LTBP1: variants seen among roughly 807,000 people sequenced by gnomAD.
LTBP1 encodes the protein latent-transforming growth factor beta-binding protein 1.
In LTBP1, 129 loss-of-function variants were observed where a neutral mutation model predicts 207.6. The observed-to-expected ratio is 0.62, with a 90% CI of 0.54 to 0.72. The LOEUF (loss-of-function observed/expected upper bound fraction) is 0.72. Ranked by LOEUF, LTBP1 falls within the 30% of genes least tolerant of loss-of-function variation. LTBP1 has a pLI of 0.00. For synonymous variants in LTBP1, 963 were observed against 833.7 expected, an observed-to-expected ratio of 1.16 and a Z score of -2.67; for missense variants, 2,281 against 2,217.2, an observed-to-expected ratio of 1.03 and a Z score of -0.58.
At chr2:33,051,280 G>A (rs1390975024) in intron 3 of LTBP1, among the ~76,000 whole-genome samples, 1 of 152,102 alleles carries the variant, frequency 6.6e-6, no homozygotes, top group Non-Finnish European at 1.5e-5. Flanking sequence ...GGCTGGGTGT[G>A]GTGGTGTGTG....
intron 2 of LTBP1, among the ~76,000 whole-genome samples, chr2:32,961,945 CA>C (rs34607490): frequency 0.022 from 2,208 of 98,352 alleles, 38 homozygotes; most frequent in African/African-American, 0.066. Context: ...AACTCCGTCT[CA>C]AAAAAAAAAA....
chr2:32,958,939 A>G, intron 2 of LTBP1, among the ~76,000 whole-genome samples: 1 of 152,216 alleles, frequency 6.6e-6, no homozygotes, highest in East Asian at 1.9e-4. Flanking sequence ...GTTCAACATC[A>G]TCATCTGATA....
At chr2:33,354,655 TATCA>T (rs1390578436) in intron 26 of LTBP1, among the ~76,000 whole-genome samples, 1 of 149,116 alleles carries the variant, frequency 6.7e-6, no homozygotes, top group Non-Finnish European at 1.5e-5. Flanking sequence ...TGAACTGACA[TATCA>T]ATCAAAGTGA....
chr2:33,134,703 T>C lies in LTBP1; in HGVS notation c.1034-90T>C. 1 of 1,607,492 alleles carries C rather than the reference T, an allele frequency of 6.2e-7. No homozygotes were observed. The highest frequency in any genetic ancestry group is 1.1e-5 in the South Asian group (1 of 89,490). On this transcript the variant is annotated intron_variant, in intron 4 of 33. Coordinates refer to ENST00000404816, the MANE Select transcript of LTBP1 (RefSeq NM_206943.4). The surrounding 1 kb of genome is among the most constrained non-coding windows in gnomAD (Gnocchi z 4.4). ...TCCCCTCTTGCTCCTTTCTTTTCTT[T>C]TTTTCTGTTTTTTTAAACCTTCCAA...
intron 3 of LTBP1, among the ~76,000 whole-genome samples, chr2:33,040,967 C>T (rs557117646): frequency 1.3e-5 from 2 of 152,306 alleles, no homozygotes; most frequent in South Asian, 4.2e-4. Context: ...TGGTACCTAC[C>T]AGCTGACTGT....
chr2:33,273,141 GTGGGAGGTCTT>G (rs1335943848), intron 15 of LTBP1, among the ~76,000 whole-genome samples: 5 of 152,284 alleles, frequency 3.3e-5, no homozygotes, highest in Admixed American at 3.3e-4. Context: ...TTGTTTAGAA[GTGGGAGGTCTT>G]TGGGGGGATT....
chr2:33,134,984 C>T lies in LTBP1; in HGVS notation c.1201+24C>T, dbSNP rs1339185724. On this transcript the variant is annotated intron_variant, in intron 5 of 33. Transcript: ENST00000404816. This position sits in a 1 kb window ranked among gnomAD's most constrained non-coding sequence, Gnocchi z 4.4. ...GGGTGAGTTCCTCCACGGTCCCTAA[C>T]TGTCCTTACTGAGTCGAGTTTTATG... The T allele has an allele frequency of 1.3e-6, 2 of 1,570,302 alleles. No homozygotes were observed. Among genetic ancestry groups the T allele is most frequent in the African/African-American group, 1.4e-5 (1 of 73,788 alleles).
chr2:33,342,245 G>C (rs2094636439), intron 24 of LTBP1, among the ~76,000 whole-genome samples: 1 of 152,238 alleles, frequency 6.6e-6, no homozygotes, highest in Non-Finnish European at 1.5e-5. Context: ...AGCTGGAGCA[G>C]CCTGGACGGT....
rs756916323 is a variant in LTBP1, at chr2:33,187,058, G to A, written c.1404G>A (p.Val468=). 6.2e-7 allele frequency: 1 copy of A among 1,614,138 alleles called. No homozygotes were observed. The highest frequency in any genetic ancestry group is 2.2e-5 in the East Asian group (1 of 44,884). Residue 468 remains valine (V), a synonymous_variant, in exon 6 of 34, where the codon GTG becomes GTA. Coordinates refer to ENST00000404816, the MANE Select transcript of LTBP1 (RefSeq NM_206943.4). The part of the protein sequence containing the change: ...IHSTHTLPLT[V]TSQQGVKVKF... ...CAACACATACCTTGCCTCTGACCGT[G>A]ACTAGCCAGCAAGGAGTCAAAGGTA...
intron 20 of LTBP1, among the ~76,000 whole-genome samples, 179 bp from the exon 21 acceptor site, chr2:33,300,272 A>T (rs1433608261): frequency 1.3e-5 from 2 of 152,200 alleles, no homozygotes; most frequent in Admixed American, 6.6e-5. Flanking sequence ...TATTCTATAG[A>T]TCAGTATACT....
At chr2:32,952,434 T>C (rs116593141) in intron 2 of LTBP1, among the ~76,000 whole-genome samples, 2,307 of 152,316 alleles carry the variant, frequency 0.015, 62 homozygotes, top group African/African-American at 0.05. Flanking sequence ...ATCGAAATTA[T>C]CGTGTGGGAT....
intron 2 of LTBP1, among the ~76,000 whole-genome samples, chr2:32,977,344 G>C (rs557582340): frequency 6.6e-5 from 10 of 152,240 alleles, no homozygotes; most frequent in Non-Finnish European, 1.2e-4. Context: ...TGCCGTCTGG[G>C]TGTTTCCCAG....
intron 5 of LTBP1, among the ~76,000 whole-genome samples, chr2:33,150,710 C>CTTTTTTTTT (rs1176008947): frequency 2.5e-4 from 17 of 69,298 alleles, no homozygotes; most frequent in African/African-American, 3.1e-4. Flanking sequence ...TTTTCTTTTT[C>CTTTTTTTTT]TTTTTTTTTT....
intron 2 of LTBP1, among the ~76,000 whole-genome samples, chr2:32,952,793 G>A (rs1255628577): frequency 6.6e-6 from 1 of 152,176 alleles, no homozygotes; most frequent in Non-Finnish European, 1.5e-5. Flanking sequence ...ACGGGAATAG[G>A]CAATACAAAA....
chr2:33,211,391 T>C (rs763341091), intron 7 of LTBP1, among the ~76,000 whole-genome samples: 22 of 152,220 alleles, frequency 1.4e-4, no homozygotes, highest in Admixed American at 3.9e-4. Context: ...GCAGGTCACA[T>C]CCTACAGCTG....
chr2:33,030,820 T>C (rs1392082433), intron 3 of LTBP1, among the ~76,000 whole-genome samples: 1 of 152,232 alleles, frequency 6.6e-6, no homozygotes, highest in Non-Finnish European at 1.5e-5. Flanking sequence ...TCTTAGTGGC[T>C]TTGAATGGTC....
intron 24 of LTBP1, among the ~76,000 whole-genome samples, chr2:33,322,134 CT>C (rs11332508): frequency 0.76 from 112,536 of 148,182 alleles, 42,857 homozygotes; most frequent in African/African-American, 0.84. Flanking sequence ...CTTCCTAAGC[CT>C]TTTTTTTTTT....
intron 2 of LTBP1, among the ~76,000 whole-genome samples, chr2:32,954,525 C>G (rs894544228): frequency 2.0e-5 from 3 of 150,286 alleles, no homozygotes; most frequent in Non-Finnish European, 2.9e-5. Flanking sequence ...ATCAGTCATA[C>G]TGTATTAGGG....
intron 19 of LTBP1, among the ~76,000 whole-genome samples, chr2:33,284,842 G>C (rs1177807601): frequency 6.6e-6 from 1 of 152,088 alleles, no homozygotes; most frequent in African/African-American, 2.4e-5. Context: ...TGAAATACTT[G>C]CTGTTTAAGC....
Sources: allele counts gnomAD v4.1 joint callset (sites outside exome capture counted in the v4.1 genomes callset), GRCh38; gene constraint gnomAD v4.1.1; non-coding constraint Gnocchi (gnomAD v3.1); transcripts MANE v1.5; gene names NCBI Gene and HGNC (gene_info 2026-07-23, HGNC 2026-07-21).